The following SLC27A4 variants were observed in gnomAD, a reference collection of about 807,000 sequenced individuals.
SLC27A4 encodes long-chain fatty acid transport protein 4.
A neutral mutation model predicts 64.4 loss-of-function variants in SLC27A4; 33 were observed. That is an observed-to-expected ratio of 0.51 (90% CI 0.39 to 0.68). SLC27A4 has a LOEUF of 0.68. Among genes scored for constraint, SLC27A4 ranks in the 30% least tolerant of loss-of-function variants. The probability of loss-of-function intolerance (pLI) is 0.00; values close to 1 mark genes in which losing one functional copy is unlikely to be tolerated. For synonymous variants in SLC27A4, 377 were observed against 370.0 expected (o/e 1.02, Z -0.22); for missense variants, 824 against 883.5 (o/e 0.93, Z 0.85).
In SLC27A4 at chr9:128,353,491, C is replaced by A; in HGVS notation, c.1274C>A (p.Thr425Asn). 1 of 1,614,130 alleles carries A rather than the reference C, an allele frequency of 6.2e-7. No individual in the cohort carries two copies. The highest frequency in any genetic ancestry group is 8.5e-7 in the Non-Finnish European group (1 of 1,180,036). ...PIRLVRVNED[T>N]MELIRGPDGV... ...CGGTTGGTACGTGTCAACGAGGACA[C>A]CATGGAGCTGATCCGGGGGCCCGAC... The change falls in exon 9 of 13, where the codon ACC becomes AAC. Residue 425 changes from threonine (T) to asparagine (N), a missense_variant. Coordinates refer to ENST00000300456, the MANE Select transcript of SLC27A4 (RefSeq NM_005094.4). This position sits in a 1 kb window ranked among gnomAD's most constrained non-coding sequence, Gnocchi z 4.9.
chr9:128,354,787 A>T (rs1163305097), intron 9 of SLC27A4, among the ~76,000 whole-genome samples: 3 of 129,390 alleles, frequency 2.3e-5, no homozygotes, highest in Non-Finnish European at 5.6e-5. Context: ...TCTTTACTAA[A>T]AAATAAAAAA....
chr9:128,350,065 T>C (rs1174476409), intron 4 of SLC27A4, among the ~76,000 whole-genome samples: 1 of 152,244 alleles, frequency 6.6e-6, no homozygotes, highest in Non-Finnish European at 1.5e-5. Context: ...GCCAGGCCCG[T>C]GCCCATCTTA....
intron 4 of SLC27A4, among the ~76,000 whole-genome samples, chr9:128,349,963 G>A (rs1026043377): frequency 5.3e-5 from 8 of 152,196 alleles, no homozygotes; most frequent in African/African-American, 1.9e-4. Context: ...GGTTTCAACA[G>A]GTCCTGTGCC....
chr9:128,356,465 A>G (rs1257525771), intron 12 of SLC27A4, among the ~76,000 whole-genome samples: 2 of 152,238 alleles, frequency 1.3e-5, no homozygotes, highest in Non-Finnish European at 2.9e-5. Flanking sequence ...AGGCCAGGGT[A>G]AGAGTCGGGA....
In SLC27A4 at chr9:128,350,563, T is replaced by C; in HGVS notation, c.865T>C (p.Tyr289His). ...CATCGTCTATGACTGCCTCCCCCTCTACCACTCAGCAGGTAACTCTAGGGC... is the reference window on the plus strand; with the variant it reads ...CATCGTCTATGACTGCCTCCCCCTCCACCACTCAGCAGGTAACTCTAGGGC... ...NDIVYDCLPL[Y>H]HSAGNIVGIG... Residue 289 changes from tyrosine (Y) to histidine (H), a missense_variant, in exon 6 of 13, where the codon TAC (tyrosine) becomes CAC (histidine). Physicochemically the swap from Tyr to His is moderately conservative, Grantham distance 83. Coordinates refer to ENST00000300456, the MANE Select transcript of SLC27A4 (RefSeq NM_005094.4). The C allele has an allele frequency of 6.2e-7, 1 of 1,612,730 alleles. No homozygotes were observed. The highest frequency in any genetic ancestry group is 8.5e-7 in the Non-Finnish European group (1 of 1,179,426).
At chr9:128,350,036 A>T (rs1832710346) in intron 4 of SLC27A4, among the ~76,000 whole-genome samples, 1 of 152,148 alleles carries the variant, frequency 6.6e-6, no homozygotes, top group Admixed American at 6.5e-5. Context: ...TGTTCCACTG[A>T]GCTGTGACTG....
chr9:128,353,003 A>C lies in SLC27A4; in HGVS notation c.988-22A>C. 1 of 1,604,536 alleles carries C rather than the reference A, an allele frequency of 6.2e-7. No individual in the cohort carries two copies. Among genetic ancestry groups the C allele is most frequent in the Non-Finnish European group, 8.5e-7 (1 of 1,173,770 alleles). ...GTGAGGGCAGCCTCTGGAGCCTCGA[A>C]TCACACCAAGTTCACCCCCAGATTG... On this transcript the variant is annotated intron_variant, in intron 7 of 12. Transcript: ENST00000300456. The surrounding 1 kb of genome is among the most constrained non-coding windows in gnomAD (Gnocchi z 4.9).
At position 128,354,591 on chromosome 9, in the gene SLC27A4, C is replaced by T. The variant is rs573977778; in HGVS notation, c.1325-462C>T. 5.9e-5 allele frequency among the ~76,000 whole-genome samples: 9 copies of T among 152,050 alleles called. No individual in the cohort carries two copies. In the South Asian group the frequency reaches 1.9e-3, roughly 32 times the overall value. ...AGTGTGTCCGACCTGCCAAGATGAG[C>T]TCCTGGGCTGGGGGAGGGTGGGGCA... On this transcript the variant is annotated intron_variant, in intron 9 of 12. Coordinates refer to ENST00000300456, the MANE Select transcript of SLC27A4 (RefSeq NM_005094.4).
chr9:128,345,203 G>A lies in SLC27A4; in HGVS notation c.210G>A (p.Leu70=). The part of the protein sequence containing the change: ...LKVKAKVRQC[L]QERRTVPILF... ...TGAAGGCAAAGGTGCGACAGTGCCT[G>A]CAGGAGCGGCGGACAGTGCCCATTT... The change falls in exon 3 of 13, where the codon CTG becomes CTA. Residue 70 remains leucine, a synonymous_variant. Coordinates refer to ENST00000300456, the MANE Select transcript of SLC27A4 (RefSeq NM_005094.4). The surrounding 1 kb of genome is among the most constrained non-coding windows in gnomAD (Gnocchi z 4.1). 10 of 1,613,636 alleles carry A rather than the reference G, an allele frequency of 6.2e-6. No homozygotes were observed. The highest frequency in any genetic ancestry group is 8.5e-6 in the Non-Finnish European group (10 of 1,180,016).
rs150834858 is a variant in SLC27A4 at position 128,355,138 on chromosome 9, C to T, written c.1410C>T (p.Asn470=). ...GCTACCTCAACCAGGGCGCCAACAA[C>T]AAGAAGATTGCCAAGGATGTCTTCA... The part of the protein sequence containing the change: ...FDGYLNQGAN[N]KKIAKDVFKK... Residue 470 remains asparagine (N), a synonymous_variant, in exon 10 of 13, where the codon AAC becomes AAT. Coordinates refer to ENST00000300456, the MANE Select transcript of SLC27A4 (RefSeq NM_005094.4). 3.4e-5 allele frequency: 55 copies of T among 1,613,700 alleles called. No individual in the cohort carries two copies. Among genetic ancestry groups the T allele is most frequent in the Admixed American group, 5.0e-5 (3 of 60,016 alleles).
intron 12 of SLC27A4, among the ~76,000 whole-genome samples, chr9:128,357,259 C>T (rs1352972888): frequency 8.7e-6 from 1 of 114,512 alleles, no homozygotes; most frequent in Non-Finnish European, 1.7e-5. Flanking sequence ...GAGACTCTGT[C>T]TCAAAAAAAA....
At chr9:128,358,734 A>G (rs1832856511) in intron 12 of SLC27A4, among the ~76,000 whole-genome samples, 1 of 152,218 alleles carries the variant, frequency 6.6e-6, no homozygotes, top group Non-Finnish European at 1.5e-5. Flanking sequence ...GGCGTGAGCC[A>G]CCATGCCTGG....
At chr9:128,348,913 G>A (rs1832696304) in intron 4 of SLC27A4, among the ~76,000 whole-genome samples, 2 of 152,178 alleles carry the variant, frequency 1.3e-5, no homozygotes, top group African/African-American at 4.8e-5. Context: ...GTGTATCAGT[G>A]CCAGATACAG....
intron 1 of SLC27A4, chr9:128,342,769 A>T (rs941929778): frequency 2.6e-6 from 1 of 379,830 alleles, no homozygotes; most frequent in Non-Finnish European, 5.0e-6. Flanking sequence ...AACTTAAAAA[A>T]AAAAAGAACA....
intron 1 of SLC27A4, chr9:128,342,430 T>C: frequency 6.3e-7 from 1 of 1,596,184 alleles, no homozygotes; most frequent in South Asian, 1.1e-5. Flanking sequence ...TTTTACTTCT[T>C]TTAGCTGTTT....
intron 4 of SLC27A4, among the ~76,000 whole-genome samples, 163 bp downstream of exon 4, chr9:128,348,866 C>T (rs1452412242): frequency 6.6e-6 from 1 of 152,198 alleles, no homozygotes; most frequent in African/African-American, 2.4e-5. Context: ...TAAACCTGGG[C>T]CACTCCAGGG....
intron 1 of SLC27A4, 29 bp downstream of exon 1, chr9:128,340,867 C>T: frequency 1.1e-5 from 7 of 616,792 alleles, no homozygotes; most frequent in South Asian, 1.7e-5. Context: ...GGTGGGTTCC[C>T]GGGTGGGGAC....
At position 128,355,692 on chromosome 9, in the gene SLC27A4, C is replaced by G. The variant is rs1201931863; in HGVS notation, c.1670C>G (p.Thr557Ser). ...RAGMAAVASP[T>S]GNCDLERFAQ... ...GGAATGGCTGCTGTGGCCAGCCCCA[C>G]TGGCAACTGTGACCTGGAGCGCTTT... The change falls in exon 12 of 13, where the codon ACT becomes AGT. Residue 557 changes from threonine to serine, a missense_variant. Physicochemically the swap from Thr to Ser is moderately conservative, Grantham distance 58. Coordinates refer to ENST00000300456, the MANE Select transcript of SLC27A4 (RefSeq NM_005094.4). The G allele has an allele frequency of 1.9e-6, 3 of 1,612,850 alleles. No homozygotes were observed. Among genetic ancestry groups the G allele is most frequent in the African/African-American group, 1.3e-5 (1 of 74,952 alleles).
rs1025586270 is a variant in SLC27A4 at position 128,353,053 on chromosome 9, G to A, written c.1016G>A (p.Arg339His). ...GTGCAGTACATTGGTGAACTGTGCC[G>A]CTACCTCCTGAACCAGCCACCGCGG... ...TIVQYIGELCRYLLNQPPREA... is the reference protein window; with the variant it reads ...TIVQYIGELCHYLLNQPPREA... Residue 339 changes from arginine to histidine, a missense_variant, in exon 8 of 13, where the codon CGC becomes CAC. Arg to His is a conservative substitution (Grantham distance 29, BLOSUM62 0). Coordinates refer to ENST00000300456, the MANE Select transcript of SLC27A4 (RefSeq NM_005094.4). The surrounding 1 kb of genome is among the most constrained non-coding windows in gnomAD (Gnocchi z 4.9). 5.0e-6 allele frequency: 8 copies of A among 1,613,714 alleles called. No homozygotes were observed. Among genetic ancestry groups the A allele is most frequent in the East Asian group, 2.2e-5 (1 of 44,882 alleles).
Sources: allele counts gnomAD v4.1 joint callset (sites outside exome capture counted in the v4.1 genomes callset), GRCh38; gene constraint gnomAD v4.1.1; non-coding constraint Gnocchi (gnomAD v3.1); transcripts MANE v1.5; gene names NCBI Gene and HGNC (gene_info 2026-07-23, HGNC 2026-07-21).